Variants in GLRA3 observed in about 807,000 individuals in gnomAD.
The protein encoded by GLRA3 is glycine receptor alpha 3.
GLRA3 carries 44 observed loss-of-function variants against 60.4 expected under a neutral mutation model. That is an observed-to-expected ratio of 0.73 (90% confidence interval 0.57 to 0.94). The LOEUF (loss-of-function observed/expected upper bound fraction) is 0.94, where lower values mean the gene tolerates loss of function less well. Ranked by LOEUF, GLRA3 falls within the 40% of genes least tolerant of loss-of-function variation. The pLI, the probability that GLRA3 is intolerant of heterozygous loss-of-function variation, is 0.00. For missense variants in GLRA3, 508 were observed against 564.6 expected, an observed-to-expected ratio of 0.90 and a Z score of 1.02; for synonymous variants, 223 against 192.9, an observed-to-expected ratio of 1.16 and a Z score of -1.29.
intron 1 of GLRA3, among the ~76,000 whole-genome samples, chr4:174,821,800 CTCT>C (rs528286733): frequency 7.6e-4 from 115 of 152,208 alleles, no homozygotes; most frequent in African/African-American, 2.7e-3. Context: ...GTTTTACAGC[CTCT>C]TCTTGAAGTA....
intron 1 of GLRA3, among the ~76,000 whole-genome samples, chr4:174,814,181 T>C (rs1257695261): frequency 2.0e-5 from 3 of 152,206 alleles, no homozygotes; most frequent in African/African-American, 7.2e-5. Context: ...GGTGACAGCC[T>C]TTTGCACTTG....
chr4:174,662,724 C>A (rs1733499177), intron 7 of GLRA3, among the ~76,000 whole-genome samples: 1 of 151,938 alleles, frequency 6.6e-6, no homozygotes, highest in Non-Finnish European at 1.5e-5. Context: ...TTCTTCAGGT[C>A]TCAGGCTAGA....
At chr4:174,796,078 C>T (rs1332907895) in intron 1 of GLRA3, among the ~76,000 whole-genome samples, 1 of 151,958 alleles carries the variant, frequency 6.6e-6, no homozygotes, top group Admixed American at 6.6e-5. Flanking sequence ...AATTCTAAAC[C>T]CTAAGTTGAT....
chr4:174,706,214 G>A (rs563929330), intron 5 of GLRA3, among the ~76,000 whole-genome samples: 36 of 151,404 alleles, frequency 2.4e-4, no homozygotes, highest in Non-Finnish European at 4.1e-4. Context: ...TGGGCGAAAG[G>A]GCGAGACTCC....
intron 1 of GLRA3, among the ~76,000 whole-genome samples, chr4:174,798,947 T>G (rs1439092288): frequency 2.0e-5 from 3 of 152,096 alleles, no homozygotes; most frequent in Non-Finnish European, 4.4e-5. Flanking sequence ...AAAAAGATTT[T>G]TAAAACACCT....
chr4:174,782,080 C>G (rs1304020791), intron 2 of GLRA3, among the ~76,000 whole-genome samples: 5 of 148,016 alleles, frequency 3.4e-5, no homozygotes, highest in African/African-American at 1.3e-4. Flanking sequence ...AAAATACTGG[C>G]AAACCGAATC....
At chr4:174,734,651 A>G (rs1736698884) in intron 3 of GLRA3, among the ~76,000 whole-genome samples, 1 of 152,234 alleles carries the variant, frequency 6.6e-6, no homozygotes, top group African/African-American at 2.4e-5. Context: ...TTCTGGAAAC[A>G]TGCAATTAAG....
intron 2 of GLRA3, among the ~76,000 whole-genome samples, chr4:174,778,452 A>G (rs1738699287): frequency 6.6e-6 from 1 of 152,188 alleles, no homozygotes; most frequent in Admixed American, 6.5e-5. Context: ...GGTAAAAGAA[A>G]AAAAACACAG....
At chr4:174,803,971 C>G (rs1422042170) in intron 1 of GLRA3, among the ~76,000 whole-genome samples, 1 of 152,124 alleles carries the variant, frequency 6.6e-6, no homozygotes, top group Non-Finnish European at 1.5e-5. Context: ...TACTAGTTTT[C>G]CTTAAATAAT....
rs1196393745 is a variant in GLRA3 at position 174,643,542 on chromosome 4, G to GA, written c.*243dup. ...AGCTTCCACTTACATGGTTTACTGT[G>GA]AAAAAACAAATCACCTGGAATTAAT... On this transcript the variant is annotated 3_prime_UTR_variant, in exon 10 of 10. Transcript: ENST00000274093. The GA allele has an allele frequency of 8.9e-5, 104 of 1,164,626 alleles. No individual in the cohort carries two copies. The highest frequency in any genetic ancestry group is 1.6e-4 in the South Asian group (5 of 31,570). 72.1% of individuals were successfully genotyped at this position (1,164,626 alleles called of 1,614,324 possible). A position where few individuals can be genotyped will look rare whatever the true frequency, so the allele number is the denominator to read the frequency against.
chr4:174,806,897 C>T (rs1237302068), intron 1 of GLRA3, among the ~76,000 whole-genome samples: 1 of 151,972 alleles, frequency 6.6e-6, no homozygotes, highest in African/African-American at 2.4e-5. Flanking sequence ...TTATGGAAGA[C>T]TGTATATGCA....
At chr4:174,791,003 CAAA>C (rs34671364) in intron 1 of GLRA3, among the ~76,000 whole-genome samples, 3 of 108,198 alleles carry the variant, frequency 2.8e-5, no homozygotes, top group African/African-American at 3.3e-5. Flanking sequence ...GACTCCATCT[CAAA>C]AAAAAAAAAA....
intron 3 of GLRA3, among the ~76,000 whole-genome samples, chr4:174,735,278 T>C (rs984729127): frequency 6.6e-6 from 1 of 152,176 alleles, no homozygotes; most frequent in Admixed American, 6.5e-5. Flanking sequence ...TTCTACATCA[T>C]TTTTCTGCCC....
intron 5 of GLRA3, among the ~76,000 whole-genome samples, chr4:174,688,053 A>G (rs1439540598): frequency 2.0e-5 from 3 of 151,974 alleles, no homozygotes; most frequent in Non-Finnish European, 4.4e-5. Flanking sequence ...CACAAGGATT[A>G]TAAGTCAGAG....
At position 174,704,797 on chromosome 4, in the gene GLRA3, G is replaced by A. The variant is rs1735457531; in HGVS notation, c.574+10691C>T. Among the ~76,000 whole-genome samples the A allele has an allele frequency of 1.4e-5, 2 of 143,524 alleles. 1 individual carries two copies. Among genetic ancestry groups the A allele is most frequent in the Admixed American group, 1.4e-4 (2 of 13,920 alleles). 94.2% of individuals were successfully genotyped at this position (143,524 alleles called of 152,430 possible). The stretch of plus-strand genomic sequence containing the variant: ...AAATCCTGACATATACTATAACATA[G>A]ATAAACTTTGAGAACTTTGTTAAGT... On this transcript the variant is annotated intron_variant, in intron 5 of 9. Transcript: ENST00000274093.
intron 2 of GLRA3, among the ~76,000 whole-genome samples, chr4:174,777,912 A>G (rs756257675): frequency 6.6e-6 from 1 of 152,188 alleles, no homozygotes; most frequent in Non-Finnish European, 1.5e-5. Flanking sequence ...CAGAAAATAT[A>G]TAAGCATTAC....
chr4:174,647,243 C>A (rs1732857390), intron 9 of GLRA3, among the ~76,000 whole-genome samples: 2 of 151,986 alleles, frequency 1.3e-5, no homozygotes, highest in South Asian at 4.1e-4. Context: ...CCCATCTCTA[C>A]CAAAATTATG....
intron 3 of GLRA3, among the ~76,000 whole-genome samples, chr4:174,756,253 T>A (rs1737691432): frequency 6.6e-6 from 1 of 152,138 alleles, no homozygotes; most frequent in Non-Finnish European, 1.5e-5. Flanking sequence ...CAACATAGTT[T>A]TAGGAAACCA....
chr4:174,660,550 T>A (rs954743646), intron 7 of GLRA3, among the ~76,000 whole-genome samples: 2 of 152,208 alleles, frequency 1.3e-5, no homozygotes, highest in Non-Finnish European at 2.9e-5. Flanking sequence ...GTCTGCTAGG[T>A]TGCTCTATTA....
Sources: gnomAD v4.1 joint callset for allele counts (sites outside exome capture counted in the v4.1 genomes callset) on GRCh38, gnomAD v4.1.1 for gene constraint, MANE v1.5 for transcripts, NCBI Gene and HGNC (gene_info 2026-07-23, HGNC 2026-07-21) for gene names.